The following TUBGCP6 variants were observed in gnomAD, a reference collection of about 807,000 sequenced individuals.
The protein encoded by TUBGCP6 is gamma-tubulin complex component 6.
Under a neutral mutation model 175.8 loss-of-function variants are expected in TUBGCP6, and 161 were observed. That is an observed-to-expected ratio of 0.92 (90% confidence interval 0.81 to 1.04). The LOEUF (loss-of-function observed/expected upper bound fraction) is 1.04. TUBGCP6 is among the 50% of genes least tolerant of loss of function. The pLI is 0.00. For synonymous variants in TUBGCP6, 1,173 were observed against 1,030.5 expected, an observed-to-expected ratio of 1.14 and a Z score of -2.65; for missense variants, 2,572 against 2,433.0, an observed-to-expected ratio of 1.06 and a Z score of -1.20.
At chr22:50,224,832 C>T (rs1329779702) in intron 10 of TUBGCP6, among the ~76,000 whole-genome samples, 1 of 152,086 alleles carries the variant, frequency 6.6e-6, no homozygotes, top group Non-Finnish European at 1.5e-5. Context: ...GCAGGAGGAT[C>T]CCTTGAGCCT....
intron 2 of TUBGCP6, among the ~76,000 whole-genome samples, chr22:50,237,026 C>T (rs1022830543): frequency 2.0e-5 from 3 of 152,222 alleles, no homozygotes; most frequent in African/African-American, 7.2e-5. Flanking sequence ...CCCGCCCCAA[C>T]AGGTCCCCAG....
Position 50,218,107 on chromosome 22 carries a change from T to A in TUBGCP6, c.5179A>T (p.Thr1727Ser). 3 of 1,612,462 alleles carry A rather than the reference T, an allele frequency of 1.9e-6. No homozygotes were observed. Among genetic ancestry groups the A allele is most frequent in the Non-Finnish European group, 2.5e-6 (3 of 1,179,658 alleles). ...LHKAVFRGLL[T>S]EKAAPVMNVI... The stretch of plus-strand genomic sequence containing the variant: ...TTCATGACGGGCGCCGCCTTCTCCG[T>A]GAGCAGGCCCCTGGGGGGAAGCAGT... Residue 1727 changes from threonine to serine, a missense_variant, in exon 24 of 25, where the codon ACG becomes TCG. Physicochemically the swap from Thr to Ser is moderately conservative, Grantham distance 58. Transcript: ENST00000248846.
rs1054528257 is a variant in TUBGCP6, at chr22:50,222,054, C to T, written c.2458G>A (p.Asp820Asn). Reference sequence around the variant, plus strand: ...TGGGGGTGCACGCTCAAGAGGACGTCTGGCGGCTCCTGGGGCTGGTGAGCC... The same window carrying T: ...TGGGGGTGCACGCTCAAGAGGACGTTTGGCGGCTCCTGGGGCTGGTGAGCC... ...SEAHQPQEPP[D>N]VLLSVHPQVT... The change falls in exon 15 of 25, where the codon GAC (aspartate) becomes AAC (asparagine). Residue 820 changes from aspartate (D) to asparagine (N), a missense_variant. By Grantham distance (23) the Asp-to-Asn change is conservative (BLOSUM62 1). Coordinates refer to ENST00000248846, the MANE Select transcript of TUBGCP6 (RefSeq NM_020461.4). The T allele has an allele frequency of 6.2e-7, 1 of 1,613,898 alleles. No individual in the cohort carries two copies. The highest frequency in any genetic ancestry group is 8.5e-7 in the Non-Finnish European group (1 of 1,179,994).
rs1438547572 is a variant in TUBGCP6, at chr22:50,224,416, C to T, written c.2070G>A (p.Arg690=). The stretch of plus-strand genomic sequence containing the variant: ...CCAAGGCCATCCGTTCTGACATCTG[C>T]CGGTCTACATTGGGACAGTAAGGGG... The part of the protein sequence containing the change: ...ASRVLSALSD[R]QMSERMALDA... Residue 690 remains arginine, a synonymous_variant, in exon 12 of 25, where the codon CGG becomes CGA. Coordinates refer to ENST00000248846, the MANE Select transcript of TUBGCP6 (RefSeq NM_020461.4). 3 of 1,614,174 alleles carry T rather than the reference C, an allele frequency of 1.9e-6. No homozygotes were observed. The highest frequency in any genetic ancestry group is 1.1e-5 in the South Asian group (1 of 91,082).
rs983320847 is a variant in TUBGCP6, at chr22:50,240,050, C to A, written c.905+154G>T. The A allele has an allele frequency of 2.9e-6, 3 of 1,050,072 alleles. No homozygotes were observed. In the African/African-American group the frequency reaches 4.7e-5, roughly 16 times the overall value. The allele number at this position is 1,050,072 out of a possible 1,614,324, so 65.0% of individuals were successfully genotyped here. On this transcript the variant is annotated intron_variant, in intron 2 of 24. Transcript: ENST00000248846. Reference sequence around the variant, plus strand: ...TCCCCTCTGCATCTCTCTTAACTCCCAGGACTCAGTCAATTTTGGACACTA... The same window carrying A: ...TCCCCTCTGCATCTCTCTTAACTCCAAGGACTCAGTCAATTTTGGACACTA...
intron 13 of TUBGCP6, 75 bp from the exon 14 acceptor site, chr22:50,222,667 G>T: frequency 1.3e-6 from 2 of 1,580,588 alleles, no homozygotes; most frequent in African/African-American, 1.3e-5. Flanking sequence ...CTCAGGCCAG[G>T]ATGGTTCTCC....
rs756058981 is a variant in TUBGCP6, at chr22:50,224,328, C to G, written c.2154+4G>C. ...GTGACCCCGCAGGGACAGGTCCTAC[C>G]CACCTCCTGGTCCTTCACAAATTGT... On this transcript the variant is annotated splice_donor_region_variant and intron_variant, in intron 12 of 24. Coordinates refer to ENST00000248846, the MANE Select transcript of TUBGCP6 (RefSeq NM_020461.4). The G allele has an allele frequency of 5.6e-6, 9 of 1,614,104 alleles. No homozygotes were observed. Among genetic ancestry groups the G allele is most frequent in the Non-Finnish European group, 7.6e-6 (9 of 1,180,040 alleles).
chr22:50,230,133 C>G (rs1474769973), intron 3 of TUBGCP6, among the ~76,000 whole-genome samples: 2 of 152,108 alleles, frequency 1.3e-5, no homozygotes, highest in Non-Finnish European at 2.9e-5. Context: ...AACAAGATAC[C>G]AAACCACAAC....
chr22:50,225,823 G>T lies in TUBGCP6; in HGVS notation c.1954C>A (p.Arg652Ser), dbSNP rs181249457. 7 of 1,613,268 alleles carry T rather than the reference G, an allele frequency of 4.3e-6. No individual in the cohort carries two copies. The Admixed American group carries it at 6.7e-5, about 15-fold the overall frequency. ...TCCTCCTTGCTGACAGAGCTGTGGC[G>T]GGCCACCCTCTCCATGCGCCCAACG... ...VYVGRMERVARHSSVSKEEKE... is the reference protein window; with the variant it reads ...VYVGRMERVASHSSVSKEEKE... The change falls in exon 10 of 25, where the codon CGC becomes AGC. Residue 652 changes from arginine (R) to serine (S), a missense_variant. Physicochemically the swap from Arg to Ser is moderately radical, Grantham distance 110 (BLOSUM62 -1). Transcript: ENST00000248846.
chr22:50,233,870 ATAAAG>A (rs955274283), intron 2 of TUBGCP6, among the ~76,000 whole-genome samples: 5 of 152,064 alleles, frequency 3.3e-5, no homozygotes, highest in Admixed American at 2.0e-4. Flanking sequence ...TGATTCACTC[ATAAAG>A]TATTCTTCTG....
intron 3 of TUBGCP6, among the ~76,000 whole-genome samples, chr22:50,231,634 C>A (rs77767060): frequency 2.6e-5 from 4 of 151,972 alleles, no homozygotes; most frequent in African/African-American, 9.6e-5. Context: ...CCGAGACGGG[C>A]GGATCACAAT....
chr22:50,235,394 A>G (rs1420833581), intron 2 of TUBGCP6, among the ~76,000 whole-genome samples: 1 of 152,238 alleles, frequency 6.6e-6, no homozygotes, highest in Non-Finnish European at 1.5e-5. Flanking sequence ...CTGAGCCCCC[A>G]ACAGAGGAGG....
intron 2 of TUBGCP6, among the ~76,000 whole-genome samples, chr22:50,235,992 G>C (rs2096352021): frequency 6.6e-6 from 1 of 151,210 alleles, no homozygotes; most frequent in African/African-American, 2.4e-5. Flanking sequence ...AATGGGTTCA[G>C]AGTTTCCTGC....
At chr22:50,226,504 G>C (rs2064611975) in intron 7 of TUBGCP6, 126 bp from the exon 8 acceptor site, 1 of 843,214 alleles carries the variant, frequency 1.2e-6, no homozygotes, top group Non-Finnish European at 1.9e-6. Context: ...AGCTGTGAGA[G>C]GTGGAGTGGG....
chr22:50,220,445 G>T lies in TUBGCP6; in HGVS notation c.3914C>A (p.Ala1305Glu), dbSNP rs534573320. 43 of 1,612,144 alleles carry T rather than the reference G, an allele frequency of 2.7e-5. No homozygotes were observed. In the South Asian group the frequency reaches 4.1e-4, roughly 15 times the overall value. ...AGTGCTCTGTGCTCCCAGGCTGAGCGCTGACTGGGACGTGTGGCCAGGGGG... is the reference window on the plus strand; with the variant it reads ...AGTGCTCTGTGCTCCCAGGCTGAGCTCTGACTGGGACGTGTGGCCAGGGGG... Reference protein sequence around the residue: ...QSPPGHTSQSALSLGAQSTVL... With the variant: ...QSPPGHTSQSELSLGAQSTVL... Residue 1305 changes from alanine (A) to glutamate (E), a missense_variant, in exon 16 of 25, where the codon GCG (alanine) becomes GAG (glutamate). Ala to Glu is a moderately radical substitution (Grantham distance 107). Coordinates refer to ENST00000248846, the MANE Select transcript of TUBGCP6 (RefSeq NM_020461.4).
Sources: allele counts gnomAD v4.1 joint callset (sites outside exome capture counted in the v4.1 genomes callset), GRCh38; gene constraint gnomAD v4.1.1; transcripts MANE v1.5; gene names NCBI Gene and HGNC (gene_info 2026-07-23, HGNC 2026-07-21).